NRG3: variants seen among roughly 807,000 people sequenced by gnomAD.
NRG3 encodes the protein neuregulin 3, also known as pro-neuregulin-3, membrane-bound isoform.
Under a neutral mutation model 66.9 loss-of-function variants are expected in NRG3, and 31 were observed. The observed-to-expected ratio is 0.46, with a 90% confidence interval of 0.35 to 0.63. The LOEUF (loss-of-function observed/expected upper bound fraction) is 0.63. NRG3 is among the 20% of genes least tolerant of loss of function. The probability of loss-of-function intolerance (pLI) is 0.00; values close to 1 mark genes in which losing one functional copy is unlikely to be tolerated. For synonymous variants in NRG3, 393 were observed against 359.4 expected (o/e 1.09, Z -1.06); for missense variants, 910 against 878.9 (o/e 1.04, Z -0.45).
chr10:82,856,756 CAAAAA>C (rs67224862), intron 3 of NRG3, among the ~76,000 whole-genome samples: 2 of 107,478 alleles, frequency 1.9e-5, no homozygotes, highest in Admixed American at 1.2e-4. Context: ...AAAAAAAAAA[CAAAAA>C]AAAAAAAAAA....
In NRG3 at chr10:82,767,873, TTCTC is replaced by T. The variant is rs61249173; in HGVS notation, c.1027+29246_1027+29249del. Among the ~76,000 whole-genome samples, 2,272 of 147,440 alleles carry T rather than the reference TTCTC, an allele frequency of 0.015. 93 individuals carry two copies. The East Asian group carries it at 0.16, about 11-fold the overall frequency. Reference sequence around the variant, plus strand: ...TCTTATTTTCTATGAATTATCTCTGTTCTCTCTCTCTCTCTCTCTCTCTCTCATC... The same window carrying T: ...TCTTATTTTCTATGAATTATCTCTGTTCTCTCTCTCTCTCTCTCTCTCATC... On this transcript the variant is annotated intron_variant, in intron 3 of 8. Transcript: ENST00000372141.
At chr10:82,201,511 A>C (rs952583984) in intron 1 of NRG3, among the ~76,000 whole-genome samples, 50 of 152,286 alleles carry the variant, frequency 3.3e-4, no homozygotes, top group Non-Finnish European at 6.5e-4. Context: ...AGTGAAATCT[A>C]CTACAGGAGA....
rs140729115 is a variant in NRG3, at chr10:82,406,717, T to C, written c.953+47849T>C. 1.5e-3 allele frequency among the ~76,000 whole-genome samples: 223 copies of C among 152,252 alleles called. 1 individual carries two copies. Among genetic ancestry groups the C allele is most frequent in the African/African-American group, 5.0e-3 (209 of 41,562 alleles). ...TACTACATTCTGACTCCTGAGGATT[T>C]TTTTTCTTATTAATATTTTGAGTAC... is the stretch of plus-strand genomic sequence containing the variant. On this transcript the variant is annotated intron_variant, in intron 2 of 8. Transcript: ENST00000372141.
intron 2 of NRG3, among the ~76,000 whole-genome samples, chr10:82,584,046 A>T (rs915581793): frequency 1.3e-5 from 2 of 152,164 alleles, no homozygotes; most frequent in Admixed American, 1.3e-4. Context: ...AGAGCCTCAC[A>T]AATAAGGCAA....
chr10:82,893,300 A>G (rs949362855), intron 4 of NRG3, among the ~76,000 whole-genome samples: 2 of 152,234 alleles, frequency 1.3e-5, no homozygotes, highest in Non-Finnish European at 2.9e-5. Context: ...AAAAAGGAAG[A>G]CCAGTTATGC....
intron 1 of NRG3, among the ~76,000 whole-genome samples, chr10:81,940,538 G>T (rs1848318300): frequency 6.6e-6 from 1 of 151,674 alleles, no homozygotes; most frequent in Admixed American, 6.6e-5. Flanking sequence ...TTTATTTTTT[G>T]AGGAGATGGG....
At chr10:82,160,022 G>A (rs979788490) in intron 1 of NRG3, among the ~76,000 whole-genome samples, 2 of 151,802 alleles carry the variant, frequency 1.3e-5, no homozygotes, top group African/African-American at 4.8e-5. Flanking sequence ...TCCTATAAGA[G>A]TTGTTTATTG....
At chr10:82,051,665 A>G (rs1271977005) in intron 1 of NRG3, among the ~76,000 whole-genome samples, 1 of 152,208 alleles carries the variant, frequency 6.6e-6, no homozygotes, top group Non-Finnish European at 1.5e-5. Flanking sequence ...TTGTGTATGA[A>G]GGATGAAAAA....
At chr10:81,908,022 G>T (rs141258941) in intron 1 of NRG3, among the ~76,000 whole-genome samples, 34 of 152,124 alleles carry the variant, frequency 2.2e-4, no homozygotes, top group Non-Finnish European at 4.4e-4. Context: ...TCTTTAATTT[G>T]TTGATGCTTA....
In NRG3 at chr10:82,978,982, G is replaced by T. The variant is rs1852576580; in HGVS notation, c.1445G>T (p.Arg482Ile). The change falls in exon 8 of 9, where the codon AGA (arginine) becomes ATA (isoleucine). Residue 482 changes from arginine to isoleucine, a missense_variant. Arg to Ile is a moderately conservative substitution (Grantham distance 97). Coordinates refer to ENST00000372141, the MANE Select transcript of NRG3 (RefSeq NM_001010848.4). ...SLSSCCSPGQ[R>I]SGMLHRNAFR... is the part of the protein sequence containing the mutation. ...TCCTCTTGCTGCAGCCCAGGGCAAA[G>T]AAGTGGCATGCTCCATAGGAATGCC... 1 of 1,613,976 alleles carries T rather than the reference G, an allele frequency of 6.2e-7. No individual in the cohort carries two copies. Among genetic ancestry groups the T allele is most frequent in the Admixed American group, 1.7e-5 (1 of 60,002 alleles).
At chr10:81,876,353 G>A (rs1214606848) in intron 1 of NRG3, among the ~76,000 whole-genome samples, 190 bp downstream of exon 1, 1 of 152,184 alleles carries the variant, frequency 6.6e-6, no homozygotes, top group Non-Finnish European at 1.5e-5. Context: ...GTTCTGGGGG[G>A]GTGGGGGCGT....
At chr10:81,979,078 A>G (rs753794398) in intron 1 of NRG3, among the ~76,000 whole-genome samples, 11 of 151,536 alleles carry the variant, frequency 7.3e-5, no homozygotes, top group Non-Finnish European at 1.3e-4. Flanking sequence ...AGTCCCAGCT[A>G]CTTGGGAGGC....
intron 2 of NRG3, among the ~76,000 whole-genome samples, chr10:82,383,695 G>A (rs1026148064): frequency 6.6e-6 from 1 of 151,942 alleles, no homozygotes; most frequent in Non-Finnish European, 1.5e-5. Flanking sequence ...TTATCTCAAA[G>A]TTTATGTTAC....
intron 4 of NRG3, among the ~76,000 whole-genome samples, chr10:82,917,966 G>GTATA (rs1216370656): frequency 3.0e-3 from 281 of 92,250 alleles, no homozygotes; most frequent in African/African-American, 5.8e-3. Flanking sequence ...GTGTGTGTGT[G>GTATA]TGTGTATATA....
chr10:82,412,146 C>A (rs949270196), intron 2 of NRG3, among the ~76,000 whole-genome samples: 4 of 152,020 alleles, frequency 2.6e-5, no homozygotes, highest in Non-Finnish European at 5.9e-5. Context: ...ACTAACACAT[C>A]AAATTTGTGA....
intron 3 of NRG3, among the ~76,000 whole-genome samples, chr10:82,860,608 G>A (rs1428753308): frequency 6.6e-6 from 1 of 152,178 alleles, no homozygotes; most frequent in Admixed American, 6.5e-5. Context: ...ATTTAAAGCA[G>A]TTCCTGGTAC....
chr10:82,984,882 T>A, intron 8 of NRG3: 4 of 1,393,886 alleles, frequency 2.9e-6, no homozygotes, highest in Non-Finnish European at 4.0e-6. Flanking sequence ...TGAGTCTCAG[T>A]CTGTCACTTA....
At chr10:82,119,128 C>A (rs1329025684) in intron 1 of NRG3, among the ~76,000 whole-genome samples, 1 of 152,120 alleles carries the variant, frequency 6.6e-6, no homozygotes, top group Non-Finnish European at 1.5e-5. Flanking sequence ...TATATCAATA[C>A]ATCAAACACT....
chr10:81,923,067 T>G (rs938331083), intron 1 of NRG3, among the ~76,000 whole-genome samples: 1 of 152,232 alleles, frequency 6.6e-6, no homozygotes, highest in African/African-American at 2.4e-5. Flanking sequence ...TACATATTAT[T>G]AGGAAATAAT....
Sources: gnomAD v4.1 joint callset for allele counts (sites outside exome capture counted in the v4.1 genomes callset) on GRCh38, gnomAD v4.1.1 for gene constraint, MANE v1.5 for transcripts, NCBI Gene and HGNC (gene_info 2026-07-23, HGNC 2026-07-21) for gene names.